The following RETREG2 variants were observed in gnomAD, a reference collection of about 807,000 sequenced individuals.
RETREG2 encodes the protein reticulophagy regulator family member 2.
In RETREG2, 21 loss-of-function variants were observed where a neutral mutation model predicts 51.6. The ratio of observed to expected loss-of-function variants is 0.41; its 90% CI spans 0.29 to 0.59. The LOEUF is 0.59. Among genes scored for constraint, RETREG2 ranks in the 20% least tolerant of loss-of-function variants. RETREG2 has a pLI of 0.34. For synonymous variants in RETREG2, 339 were observed against 288.6 expected, an observed-to-expected ratio of 1.17 and a Z score of -1.77; for missense variants, 674 against 646.0, an observed-to-expected ratio of 1.04 and a Z score of -0.47.
In RETREG2 at chr2:219,182,276, G is replaced by C; in HGVS notation, c.1279G>C (p.Gly427Arg). 6.2e-7 allele frequency: 1 copy of C among 1,614,066 alleles called. No individual in the cohort carries two copies. Among genetic ancestry groups the C allele is most frequent in the Non-Finnish European group, 8.5e-7 (1 of 1,179,990 alleles). Residue 427 changes from glycine to arginine, a missense_variant, in exon 9 of 9, where the codon GGA becomes CGA. Physicochemically the swap from Gly to Arg is moderately radical, Grantham distance 125 (BLOSUM62 -2). Transcript: ENST00000430297. The part of the protein sequence containing the change: ...SPPDGVKCSP[G>R]GPVETLSPET... ...CCCAGATGGAGTGAAATGCTCCCCT[G>C]GAGGACCAGTGGAGACACTGAGCCC...
rs1247035860 is a variant in RETREG2, at chr2:219,183,920, T to G, written c.*1291T>G. On this transcript the variant is annotated 3_prime_UTR_variant, in exon 9 of 9. Transcript: ENST00000430297. ...GACCTTTACCTGTGTTAGAAATGAG[T>G]TGGAGCCAAGGAACACTGAAGAAAT... The G allele has an allele frequency of 6.6e-6, 1 of 152,202 alleles. No individual in the cohort carries two copies. The highest frequency in any genetic ancestry group is 1.5e-5 in the Non-Finnish European group (1 of 68,036). 9.4% of individuals were successfully genotyped at this position (152,202 alleles called of 1,614,324 possible).
In RETREG2 at chr2:219,178,550, G is replaced by A; in HGVS notation, c.198G>A (p.Val66=). Residue 66 remains valine (V), a synonymous_variant, in exon 1 of 9, where the codon GTG becomes GTA. Coordinates refer to ENST00000430297, the MANE Select transcript of RETREG2 (RefSeq NM_024293.6). ...TGCGGCTCCGCGGCTGGGAGGCGGT[G>A]CTGGCGGCGGCGCAGCGGTTGCTGG... ...LWLRLRGWEA[V]LAAAQRLLVW... 1 of 1,447,194 alleles carries A rather than the reference G, an allele frequency of 6.9e-7. No homozygotes were observed. 89.6% of individuals were successfully genotyped at this position (1,447,194 alleles called of 1,614,324 possible). A position where few individuals can be genotyped will look rare whatever the true frequency, so the allele number is the denominator to read the frequency against.
chr2:219,178,422 C>T lies in RETREG2; in HGVS notation c.70C>T (p.Leu24=). 1 of 609,532 alleles carries T rather than the reference C, an allele frequency of 1.6e-6. No individual in the cohort carries two copies. The highest frequency in any genetic ancestry group is 2.4e-5 in the South Asian group (1 of 42,274). The allele number at this position is 609,532 out of a possible 1,614,324, so 37.8% of individuals were successfully genotyped here. Reference sequence around the variant, plus strand: ...GCCGGGGATGGGCCTGAGCCTGGGCCTGGGTCTGGGTCTGAGCCTAGGCAT... The same window carrying T: ...GCCGGGGATGGGCCTGAGCCTGGGCTTGGGTCTGGGTCTGAGCCTAGGCAT... ...GGPGMGLSLG[L]GLGLSLGMSE... Residue 24 remains leucine, a synonymous_variant, in exon 1 of 9, where the codon CTG becomes TTG. Transcript: ENST00000430297.
intron 8 of RETREG2, 55 bp downstream of exon 8, chr2:219,181,830 C>A (rs1429470394): frequency 1.3e-6 from 2 of 1,599,912 alleles, no homozygotes; most frequent in Non-Finnish European, 1.7e-6. Context: ...TGTTCCCTAC[C>A]ATGGGTACTT....
rs757018263 is a variant in RETREG2 at position 219,179,749 on chromosome 2, G to A, written c.405G>A (p.Glu135=). The A allele has an allele frequency of 6.8e-6, 11 of 1,614,104 alleles. No individual in the cohort carries two copies. Among genetic ancestry groups the A allele is most frequent in the Non-Finnish European group, 9.3e-6 (11 of 1,179,982 alleles). ...LPDVSASSPE[E]PHSDSEGAGS... ...TCTCTCTAGCATCATCCCCAGAGGA[G>A]CCACACTCTGACAGGTGAGTACAGG... is the stretch of plus-strand genomic sequence containing the variant. Residue 135 remains glutamate, a synonymous_variant, in exon 3 of 9, where the codon GAG becomes GAA. Transcript: ENST00000430297.
Position 219,180,202 on chromosome 2 carries a change from A to C in RETREG2, c.512A>C (p.His171Pro). ...GAGAGCTGGCTCACCTTCCAGATTCACCTGCAGGAGCTGCTGCAGTACAAG... is the reference window on the plus strand; with the variant it reads ...GAGAGCTGGCTCACCTTCCAGATTCCCCTGCAGGAGCTGCTGCAGTACAAG... ...LAESWLTFQIHLQELLQYKRQ... is the reference protein window; with the variant it reads ...LAESWLTFQIPLQELLQYKRQ... Residue 171 changes from histidine (H) to proline (P), a missense_variant, in exon 4 of 9, where the codon CAC becomes CCC. Coordinates refer to ENST00000430297, the MANE Select transcript of RETREG2 (RefSeq NM_024293.6). 1 of 1,614,176 alleles carries C rather than the reference A, an allele frequency of 6.2e-7. No individual in the cohort carries two copies. Among genetic ancestry groups the C allele is most frequent in the Non-Finnish European group, 8.5e-7 (1 of 1,180,028 alleles).
Position 219,181,403 on chromosome 2 carries a change from T to G in RETREG2, c.819T>G (p.Asp273Glu). Residue 273 changes from aspartate to glutamate, a missense_variant, in exon 7 of 9, where the codon GAT (aspartate) becomes GAG (glutamate). Coordinates refer to ENST00000430297, the MANE Select transcript of RETREG2 (RefSeq NM_024293.6). ...RQGKNAPPGG[D>E]EPLAETESES... ...GGAAGAATGCACCCCCAGGAGGTGA[T>G]GAGCCACTGGCAGAGACAGAGAGTG... 1 of 1,614,072 alleles carries G rather than the reference T, an allele frequency of 6.2e-7. No individual in the cohort carries two copies. Among genetic ancestry groups the G allele is most frequent in the Non-Finnish European group, 8.5e-7 (1 of 1,180,014 alleles).
rs764720178 is a variant in RETREG2, at chr2:219,182,111, C to T, written c.1114C>T (p.Leu372=). 3.1e-6 allele frequency: 5 copies of T among 1,614,030 alleles called. No individual in the cohort carries two copies. Among genetic ancestry groups the T allele is most frequent in the African/African-American group, 1.3e-5 (1 of 74,920 alleles). The change falls in exon 9 of 9, where the codon CTA becomes TTA. Residue 372 remains leucine (L), a synonymous_variant. Coordinates refer to ENST00000430297, the MANE Select transcript of RETREG2 (RefSeq NM_024293.6). ...AGAGCTGGCCCCTCCCGAAGACCTA[C>T]TAGGCCGTCCTCAAGCTCTGTCAAG... The part of the protein sequence containing the change: ...EGELAPPEDL[L]GRPQALSRQA...
rs1220801641 is a variant in RETREG2 at position 219,184,417 on chromosome 2, G to A, written c.*1788G>A. On this transcript the variant is annotated 3_prime_UTR_variant, in exon 9 of 9. Transcript: ENST00000430297. ...AATGCTGCCTGGCTGTCTGCTGGAG[G>A]TACCATATGGTAATGCTGCCTGTCT... 1 of 152,060 alleles carries A rather than the reference G, an allele frequency of 6.6e-6. No homozygotes were observed. The highest frequency in any genetic ancestry group is 1.5e-5 in the Non-Finnish European group (1 of 68,028). 9.4% of individuals were successfully genotyped at this position (152,060 alleles called of 1,614,324 possible). A position where few individuals can be genotyped will look rare whatever the true frequency, so the allele number is the denominator to read the frequency against.
chr2:219,182,161 G>C lies in RETREG2; in HGVS notation c.1164G>C (p.Glu388Asp). 1.2e-6 allele frequency: 2 copies of C among 1,614,172 alleles called. No homozygotes were observed. Among genetic ancestry groups the C allele is most frequent in the South Asian group, 2.2e-5 (2 of 91,076 alleles). ...LSRQALDSEE[E>D]EEDVAAKETL... The stretch of plus-strand genomic sequence containing the variant: ...GGCAAGCCCTGGACTCGGAGGAAGA[G>C]GAAGAGGATGTGGCAGCTAAGGAAA... The change falls in exon 9 of 9, where the codon GAG becomes GAC. Residue 388 changes from glutamate to aspartate, a missense_variant. Coordinates refer to ENST00000430297, the MANE Select transcript of RETREG2 (RefSeq NM_024293.6).
intron 3 of RETREG2, 31 bp downstream of exon 3, chr2:219,179,794 G>C (rs766489198): frequency 6.2e-7 from 1 of 1,607,722 alleles, no homozygotes; most frequent in Non-Finnish European, 8.5e-7. Flanking sequence ...GAAGACAAAT[G>C]CCCACATCCT....
At chr2:219,178,791 C>T (rs1015136827) in intron 1 of RETREG2, 131 bp from the exon 2 acceptor site, 19 of 1,067,662 alleles carry the variant, frequency 1.8e-5, no homozygotes, top group Non-Finnish European at 2.4e-5. Flanking sequence ...TTTTTTCTAT[C>T]TCTGAGTCGT....
chr2:219,179,885 T>C (rs1438611449), intron 3 of RETREG2, 122 bp downstream of exon 3: 1 of 1,253,996 alleles, frequency 8.0e-7, no homozygotes, highest in Non-Finnish European at 1.2e-6. Flanking sequence ...AAGCCATGGG[T>C]TTTTCATGGT....
In RETREG2 at chr2:219,182,018, G is replaced by C. The variant is rs754549635; in HGVS notation, c.1021G>C (p.Asp341His). The C allele has an allele frequency of 1.2e-6, 2 of 1,613,590 alleles. No individual in the cohort carries two copies. The highest frequency in any genetic ancestry group is 8.5e-7 in the Non-Finnish European group (1 of 1,179,674). Residue 341 changes from aspartate (D) to histidine (H), a missense_variant, in exon 9 of 9, where the codon GAC (aspartate) becomes CAC (histidine). Physicochemically the swap from Asp to His is moderately conservative, Grantham distance 81. Coordinates refer to ENST00000430297, the MANE Select transcript of RETREG2 (RefSeq NM_024293.6). Reference protein sequence around the residue: ...PQLTDVSEDLDQQSLPSEPEE... With the variant: ...PQLTDVSEDLHQQSLPSEPEE... ...ATTCTTTGTTCTCTGCACAGATTTG[G>C]ACCAGCAGAGCCTGCCAAGTGAACC...
rs1950224801 is a variant in RETREG2, at chr2:219,178,649, G to A, written c.281+16G>A. ...GCCTCTTCTGGTAACGGCCGCGGAG[G>A]AGGGGGCGGGGCCGGGATGAGCGGG... On this transcript the variant is annotated intron_variant, in intron 1 of 8. Coordinates refer to ENST00000430297, the MANE Select transcript of RETREG2 (RefSeq NM_024293.6). The A allele has an allele frequency of 2.8e-6, 4 of 1,438,490 alleles. No individual in the cohort carries two copies. The highest frequency in any genetic ancestry group is 5.7e-5 in the East Asian group (2 of 35,394). 89.1% of individuals were successfully genotyped at this position (1,438,490 alleles called of 1,614,324 possible).
At chr2:219,180,631 C>G (rs1950264772) in intron 4 of RETREG2, 39 bp from the exon 5 acceptor site, 1 of 1,614,002 alleles carries the variant, frequency 6.2e-7, no homozygotes, top group Non-Finnish European at 8.5e-7. Flanking sequence ...GGGCGCATAT[C>G]TCAGCGTGAT....
chr2:219,179,975 C>A, intron 3 of RETREG2, 135 bp from the exon 4 acceptor site: 1 of 1,315,150 alleles, frequency 7.6e-7, no homozygotes, highest in Non-Finnish European at 1.1e-6. Context: ...GCTTCTAAGA[C>A]CAGGACAGCC....
chr2:219,184,640 G>C lies in RETREG2; in HGVS notation c.*2011G>C, dbSNP rs1950325012. The C allele has an allele frequency of 6.6e-6, 1 of 152,058 alleles. No individual in the cohort carries two copies. Among genetic ancestry groups the C allele is most frequent in the Non-Finnish European group, 1.5e-5 (1 of 68,008 alleles). The allele number at this position is 152,058 out of a possible 1,614,324, so 9.4% of individuals were successfully genotyped here. A position where few individuals can be genotyped will look rare whatever the true frequency, so the allele number is the denominator to read the frequency against. On this transcript the variant is annotated 3_prime_UTR_variant, in exon 9 of 9. Coordinates refer to ENST00000430297, the MANE Select transcript of RETREG2 (RefSeq NM_024293.6). ...TCTAATCAATAAGCAAGCAATTCAA[G>C]AAAAATAGAATTAATCAGGCAATGA...
At position 219,178,389 on chromosome 2, in the gene RETREG2, G is replaced by A. The variant is rs1950217882; in HGVS notation, c.37G>A (p.Gly13Ser). The A allele has an allele frequency of 2.0e-6, 1 of 495,434 alleles. No individual in the cohort carries two copies. Among genetic ancestry groups the A allele is most frequent in the Non-Finnish European group, 3.5e-6 (1 of 286,218 alleles). 30.7% of individuals were successfully genotyped at this position (495,434 alleles called of 1,614,324 possible). Residue 13 changes from glycine to serine, a missense_variant, in exon 1 of 9, where the codon GGT becomes AGT. Physicochemically the swap from Gly to Ser is moderately conservative, Grantham distance 56 (BLOSUM62 0). Coordinates refer to ENST00000430297, the MANE Select transcript of RETREG2 (RefSeq NM_024293.6). ...SGGGGGNTGA[G>S]GGPGMGLSLG... ...CGGTGGCGGGGGTAACACTGGCGCG[G>A]GTGGGGGGCCGGGGATGGGCCTGAG...
Sources: allele counts gnomAD v4.1 joint callset, GRCh38; gene constraint gnomAD v4.1.1; transcripts MANE v1.5; gene names NCBI Gene and HGNC (gene_info 2026-07-23, HGNC 2026-07-21).